The following SH2D3C variants were observed in gnomAD, a reference collection of about 807,000 sequenced individuals.
The protein encoded by SH2D3C is SH2 domain-containing protein 3C.
SH2D3C carries 25 observed loss-of-function variants against 75.2 expected under a neutral mutation model. The observed-to-expected ratio is 0.33, with a 90% CI of 0.24 to 0.46. The LOEUF is 0.46. Ranked by LOEUF, SH2D3C falls within the 20% of genes least tolerant of loss-of-function variation. The pLI, the probability that SH2D3C is intolerant of heterozygous loss-of-function variation, is 1.00. For missense variants in SH2D3C, 933 were observed against 1,165.3 expected, an observed-to-expected ratio of 0.80 and a Z score of 2.90; for synonymous variants, 450 against 473.7, an observed-to-expected ratio of 0.95 and a Z score of 0.65.
intron 3 of SH2D3C, 102 bp downstream of exon 3, chr9:127,761,509 T>G: frequency 1.3e-6 from 1 of 787,096 alleles, no homozygotes; most frequent in Non-Finnish European, 2.1e-6. Context: ...CAGTGAGGTC[T>G]GGCTCCTAAC....
intron 10 of SH2D3C, 100 bp downstream of exon 10, chr9:127,740,158 G>T: frequency 2.0e-6 from 2 of 1,000,150 alleles, no homozygotes; most frequent in Non-Finnish European, 3.1e-6. Context: ...AAAGTAGCTT[G>T]CACAGAGCTC....
chr9:127,764,123 C>G (rs749234056), intron 2 of SH2D3C, among the ~76,000 whole-genome samples: 3 of 152,228 alleles, frequency 2.0e-5, no homozygotes, highest in African/African-American at 4.8e-5. Context: ...TACTTCCCCT[C>G]GGGCTCTGGG....
rs1554798028 is a variant in SH2D3C, at chr9:127,754,951, G to GGCCCA, written c.556-3656_556-3652dup. 8.6e-5 allele frequency: 45 copies of GGCCCA among 524,408 alleles called. No homozygotes were observed. The East Asian group carries it at 9.2e-4, about 11-fold the overall frequency. 32.5% of individuals were successfully genotyped at this position (524,408 alleles called of 1,614,324 possible). Reference sequence around the variant, plus strand: ...CCCCGCCCCCTCCCCGGGTCGGCCGGGCCCAGCCCAGCCCGACCCTGCCGG... The same window carrying GGCCCA: ...CCCCGCCCCCTCCCCGGGTCGGCCGGGCCCAGCCCAGCCCAGCCCGACCCTGCCGG... On this transcript the variant is annotated intron_variant, in intron 3 of 11. Coordinates refer to ENST00000314830, the MANE Select transcript of SH2D3C (RefSeq NM_170600.3). This position sits in a 1 kb window ranked among gnomAD's most constrained non-coding sequence, Gnocchi z 4.4.
chr9:127,761,707 G>A lies in SH2D3C; in HGVS notation c.516-57C>T, dbSNP rs1363894975. The A allele has an allele frequency of 1.7e-5, 25 of 1,493,614 alleles. 1 individual carries two copies. The East Asian group carries it at 2.7e-4, about 16-fold the overall frequency. 92.5% of individuals were successfully genotyped at this position (1,493,614 alleles called of 1,614,324 possible). The stretch of plus-strand genomic sequence containing the variant: ...AGCCCTGCTTGGCTCCCCAGCTGCC[G>A]GTCTCTTGCCTGCCTGCCTGGGGCC... On this transcript the variant is annotated intron_variant, in intron 2 of 11. Coordinates refer to ENST00000314830, the MANE Select transcript of SH2D3C (RefSeq NM_170600.3).
At chr9:127,762,221 C>T in intron 2 of SH2D3C, 1 of 1,201,190 alleles carries the variant, frequency 8.3e-7, no homozygotes, top group South Asian at 1.5e-5. Context: ...TTGATTCTGC[C>T]CCCAGGGTGG....
Position 127,774,578 on chromosome 9 carries a change from T to C in SH2D3C, c.38-111A>G. ...GTGAGGGGCTGAAGAGGGCTGGCGG[T>C]TTCCCAGACACCCCTTCTAAAATTG... On this transcript the variant is annotated intron_variant, in intron 1 of 11. Coordinates refer to ENST00000314830, the MANE Select transcript of SH2D3C (RefSeq NM_170600.3). This position sits in a 1 kb window ranked among gnomAD's most constrained non-coding sequence, Gnocchi z 4.3. 1 of 654,074 alleles carries C rather than the reference T, an allele frequency of 1.5e-6. No homozygotes were observed. Among genetic ancestry groups the C allele is most frequent in the Admixed American group, 2.7e-5 (1 of 37,512 alleles). The allele number at this position is 654,074 out of a possible 1,614,324, so 40.5% of individuals were successfully genotyped here.
rs71380087 is a variant in SH2D3C at position 127,757,645 on chromosome 9, G to GATTATT, written c.555+3960_555+3965dup. ...TGATGATGATGATGATGATGATGAT[G>GATTATT]ATTATTATTATTATTATTATTATTT... On this transcript the variant is annotated intron_variant, in intron 3 of 11. Coordinates refer to ENST00000314830, the MANE Select transcript of SH2D3C (RefSeq NM_170600.3). Among the ~76,000 whole-genome samples the GATTATT allele has an allele frequency of 3.0e-3, 365 of 121,496 alleles. 4 individuals are homozygous for GATTATT. The highest frequency in any genetic ancestry group is 7.5e-3 in the Middle Eastern group (2 of 266). The allele number at this position is 121,496 out of a possible 152,430, so 79.7% of individuals were successfully genotyped here.
intron 7 of SH2D3C, 52 bp from the exon 8 acceptor site, chr9:127,743,016 C>A (rs539094926): frequency 7.1e-7 from 1 of 1,409,354 alleles, no homozygotes; most frequent in Admixed American, 1.8e-5. Flanking sequence ...CTGGCCCCAG[C>A]CATCTGGGAG....
intron 7 of SH2D3C, 21 bp downstream of exon 7, chr9:127,744,543 C>T: frequency 6.3e-7 from 1 of 1,587,620 alleles, no homozygotes; most frequent in Non-Finnish European, 8.6e-7. Flanking sequence ...CCCTCCACCC[C>T]AGTGCACAGC....
chr9:127,771,300 A>C, intron 2 of SH2D3C: 1 of 1,503,298 alleles, frequency 6.7e-7, no homozygotes, highest in Non-Finnish European at 8.9e-7. Flanking sequence ...TTCTCGGGCC[A>C]CTGAGCTGCA....
At chr9:127,748,271 G>A (rs1008107042) in intron 5 of SH2D3C, among the ~76,000 whole-genome samples, 77 of 152,118 alleles carry the variant, frequency 5.1e-4, no homozygotes, top group African/African-American at 1.8e-3. Flanking sequence ...GGCACACATG[G>A]TCCGTGGATC....
chr9:127,747,247 G>A lies in SH2D3C; in HGVS notation c.1164C>T (p.Asp388=). The A allele has an allele frequency of 6.2e-7, 1 of 1,613,626 alleles. No homozygotes were observed. Among genetic ancestry groups the A allele is most frequent in the Non-Finnish European group, 8.5e-7 (1 of 1,179,980 alleles). ...PTSTSLPRPR[D]SIRSCALSMD... ...TGCTGAGGGCACAGCTGCGGATGGA[G>A]TCCCGAGGGCGGGGCAGCGACGTAC... Residue 388 remains aspartate, a synonymous_variant, in exon 6 of 12, where the codon GAC becomes GAT. Coordinates refer to ENST00000314830, the MANE Select transcript of SH2D3C (RefSeq NM_170600.3).
chr9:127,777,933 T>G (rs1302323172), intron 1 of SH2D3C, among the ~76,000 whole-genome samples: 2 of 149,822 alleles, frequency 1.3e-5, no homozygotes, highest in Non-Finnish European at 3.0e-5. Context: ...GGCAACAAAG[T>G]GAGAACCCAC....
intron 5 of SH2D3C, among the ~76,000 whole-genome samples, chr9:127,748,053 G>A (rs1845086705): frequency 6.6e-6 from 1 of 152,146 alleles, no homozygotes; most frequent in African/African-American, 2.4e-5. Context: ...ACCCCATGAG[G>A]TGCCTTTGTG....
At chr9:127,748,018 A>G (rs990742145) in intron 5 of SH2D3C, among the ~76,000 whole-genome samples, 6 of 152,170 alleles carry the variant, frequency 3.9e-5, no homozygotes, top group Admixed American at 2.6e-4. Flanking sequence ...AGGATGGGAA[A>G]GGGGGTATAG....
intron 1 of SH2D3C, among the ~76,000 whole-genome samples, chr9:127,777,959 A>G (rs1225776096): frequency 6.6e-6 from 1 of 152,048 alleles, no homozygotes; most frequent in Non-Finnish European, 1.5e-5. Flanking sequence ...TCTCTAAAAA[A>G]AAAAAAAAAT....
In SH2D3C at chr9:127,739,010, C is replaced by T; in HGVS notation, c.2408-89G>A. 1 of 1,205,210 alleles carries T rather than the reference C, an allele frequency of 8.3e-7. No homozygotes were observed. Among genetic ancestry groups the T allele is most frequent in the Non-Finnish European group, 1.1e-6 (1 of 901,378 alleles). 74.7% of individuals were successfully genotyped at this position (1,205,210 alleles called of 1,614,324 possible). ...TTCAGGACCCCCCTGTTAGGGACCTCCCCTCAACTCCGCCAGGGATCCAAC... is the reference window on the plus strand; with the variant it reads ...TTCAGGACCCCCCTGTTAGGGACCTTCCCTCAACTCCGCCAGGGATCCAAC... On this transcript the variant is annotated intron_variant, in intron 11 of 11. Coordinates refer to ENST00000314830, the MANE Select transcript of SH2D3C (RefSeq NM_170600.3). This position sits in a 1 kb window ranked among gnomAD's most constrained non-coding sequence, Gnocchi z 4.3.
chr9:127,752,731 A>C (rs73608009), intron 3 of SH2D3C, among the ~76,000 whole-genome samples: 148 of 152,196 alleles, frequency 9.7e-4, no homozygotes, highest in African/African-American at 3.5e-3. Context: ...TTCAACATTG[A>C]CTAGGTCCCT....
In SH2D3C at chr9:127,740,236, A is replaced by T. The variant is rs2233515; in HGVS notation, c.2200+22T>A. 3.1e-6 allele frequency: 5 copies of T among 1,588,826 alleles called. No individual in the cohort carries two copies. The Middle Eastern group carries it at 5.0e-4, about 159-fold the overall frequency. On this transcript the variant is annotated intron_variant, in intron 10 of 11. Coordinates refer to ENST00000314830, the MANE Select transcript of SH2D3C (RefSeq NM_170600.3). ...CCCAGGGAGGGCTGCAGCCTGTCCA[A>T]GGTCACGCAACAAGGAAGTACCTTT... is the stretch of plus-strand genomic sequence containing the variant.
Sources: gnomAD v4.1 joint callset for allele counts (sites outside exome capture counted in the v4.1 genomes callset) on GRCh38, gnomAD v4.1.1 for gene constraint, Gnocchi (gnomAD v3.1) non-coding constraint, MANE v1.5 for transcripts, NCBI Gene and HGNC (gene_info 2026-07-23, HGNC 2026-07-21) for gene names.